Variants in MROH1 observed in about 807,000 individuals in gnomAD.
MROH1 encodes maestro heat-like repeat-containing protein family member 1.
In MROH1, 117 loss-of-function variants were observed where a neutral mutation model predicts 116.5. The ratio of observed to expected loss-of-function variants is 1.00; its 90% CI spans 0.86 to 1.17. MROH1 has a LOEUF of 1.17. Among genes scored for constraint, MROH1 ranks in the 50% most tolerant of loss-of-function variants. MROH1 has a pLI of 0.00. For missense variants in MROH1, 1,873 were observed against 1,338.5 expected (o/e 1.40, Z -6.23); for synonymous variants, 921 against 583.9 (o/e 1.58, Z -8.32).
intron 32 of MROH1, among the ~76,000 whole-genome samples, chr8:144,249,640 C>G (rs1842505149): frequency 6.6e-6 from 1 of 152,124 alleles, no homozygotes; most frequent in South Asian, 2.1e-4. Context: ...TCCTCCTGCC[C>G]ACGTTTCCCC....
rs1821418335 is a variant in MROH1, at chr8:144,168,158, A to G, written c.23-137A>G. 9 of 1,021,706 alleles carry G rather than the reference A, an allele frequency of 8.8e-6. No individual in the cohort carries two copies. The East Asian group carries it at 2.5e-4, about 28-fold the overall frequency. The allele number at this position is 1,021,706 out of a possible 1,614,324, so 63.3% of individuals were successfully genotyped here. A position where few individuals can be genotyped will look rare whatever the true frequency, so the allele number is the denominator to read the frequency against. ...GTGGAGGGAGGTTATACAAGAGAGA[A>G]AGCAGCTGTGCCCTCTCCTGCTCTG... On this transcript the variant is annotated intron_variant, in intron 3 of 43. Transcript: ENST00000326134.
At chr8:144,185,873 A>G (rs1215393065) in intron 7 of MROH1, among the ~76,000 whole-genome samples, 2 of 26,722 alleles carry the variant, frequency 7.5e-5, no homozygotes, top group East Asian at 1.5e-3. Flanking sequence ...GGGGCAGTGC[A>G]GGGACCGTGG....
intron 14 of MROH1, among the ~76,000 whole-genome samples, chr8:144,237,972 C>T (rs1411692897): frequency 1.3e-5 from 2 of 152,184 alleles, no homozygotes; most frequent in African/African-American, 2.4e-5. Context: ...ATCTCCAGGT[C>T]GATAGGTTTT....
intron 33 of MROH1, chr8:144,252,005 G>A (rs971669358): frequency 3.8e-4 from 86 of 228,392 alleles, no homozygotes; most frequent in South Asian, 3.1e-3. Flanking sequence ...GGGTGCTGCT[G>A]CCCATCCTTT....
chr8:144,230,802 CTTTTTTTT>C (rs1161687289), intron 14 of MROH1, among the ~76,000 whole-genome samples: 16 of 68,600 alleles, frequency 2.3e-4, no homozygotes, highest in East Asian at 9.2e-4. Context: ...AAAAGGTTTT[CTTTTTTTT>C]TTTTTTTTTT....
At chr8:144,259,629 C>A (rs937067043) in intron 37 of MROH1, among the ~76,000 whole-genome samples, 1 of 152,248 alleles carries the variant, frequency 6.6e-6, no homozygotes, top group Non-Finnish European at 1.5e-5. Flanking sequence ...ACAGGGCTGG[C>A]CCCTGGGACC....
In MROH1 at chr8:144,239,120, T is replaced by C; in HGVS notation, c.1532T>C (p.Leu511Pro). ...CCGCTCTGCAGGAGCCTCGTGCATC[T>C]GGCGCAGAAGAGGCAGGAGGCCGGG... Reference protein sequence around the residue: ...LTPLCRSLVHLAQKRQEAGAD... With the variant: ...LTPLCRSLVHPAQKRQEAGAD... Residue 511 changes from leucine to proline, a missense_variant, in exon 16 of 44, where the codon CTG becomes CCG. Coordinates refer to ENST00000326134, the MANE Select transcript of MROH1 (RefSeq NM_032450.3). The C allele has an allele frequency of 1.3e-6, 1 of 774,266 alleles. No homozygotes were observed. The highest frequency in any genetic ancestry group is 2.4e-6 in the Non-Finnish European group (1 of 417,660). The allele number at this position is 774,266 out of a possible 1,614,324, so 48.0% of individuals were successfully genotyped here.
chr8:144,241,593 C>T, intron 22 of MROH1, 76 bp downstream of exon 22: 1 of 772,390 alleles, frequency 1.3e-6, no homozygotes, highest in South Asian at 1.4e-5. Flanking sequence ...GCCCTGCGGG[C>T]TGGAGTGGGG....
intron 32 of MROH1, among the ~76,000 whole-genome samples, 196 bp from the exon 33 acceptor site, chr8:144,250,016 C>T (rs919582413): frequency 5.9e-5 from 9 of 152,218 alleles, no homozygotes; most frequent in Admixed American, 2.0e-4. Flanking sequence ...GAATCCAGGT[C>T]GTGGCTCCAG....
At chr8:144,168,269 A>T in intron 3 of MROH1, 26 bp from the exon 4 acceptor site, 1 of 1,568,264 alleles carries the variant, frequency 6.4e-7, no homozygotes, top group Non-Finnish European at 8.6e-7. Flanking sequence ...GGGCCTGAGC[A>T]TGCTAACCAG....
chr8:144,219,148 A>G (rs113541226), intron 12 of MROH1, among the ~76,000 whole-genome samples: 9,095 of 151,184 alleles, frequency 0.06, 942 homozygotes, highest in African/African-American at 0.21. Flanking sequence ...TCAGCCTCCC[A>G]AGTAGCTGGG....
chr8:144,242,986 G>A (rs1841282580), intron 24 of MROH1, among the ~76,000 whole-genome samples: 2 of 152,342 alleles, frequency 1.3e-5, no homozygotes, highest in Admixed American at 6.5e-5. Flanking sequence ...GCACCTAGGA[G>A]AGGGGCCAAG....
intron 12 of MROH1, among the ~76,000 whole-genome samples, chr8:144,216,411 T>C (rs533962064): frequency 3.9e-4 from 60 of 152,176 alleles, no homozygotes; most frequent in African/African-American, 1.3e-3. Flanking sequence ...GAGGCGGAGC[T>C]TGCAGTGAGC....
At chr8:144,240,510 C>G (rs1840789516) in intron 19 of MROH1, 60 bp from the exon 20 acceptor site, 2 of 710,848 alleles carry the variant, frequency 2.8e-6, no homozygotes, top group Non-Finnish European at 5.2e-6. Context: ...TGTGCCCAGG[C>G]TCCAGCCAGC....
intron 35 of MROH1, among the ~76,000 whole-genome samples, chr8:144,256,238 G>T (rs893270618): frequency 6.6e-6 from 1 of 152,144 alleles, no homozygotes; most frequent in African/African-American, 2.4e-5. Flanking sequence ...CTGGGCAGGC[G>T]TGGCTGTGTG....
In MROH1 at chr8:144,250,254, GC is replaced by G; in HGVS notation, c.3319del (p.Gln1107ArgfsTer52). On this transcript the variant is annotated frameshift_variant, in exon 33 of 44. Coordinates refer to ENST00000326134, the MANE Select transcript of MROH1 (RefSeq NM_032450.3). LOFTEE classifies it high-confidence loss of function. Reference sequence around the variant, plus strand: ...CGTCCTGCGCTCCAAGCTTCAGGAGGCCCAGGGAGAGCACGTCCTGCCGGCC... The same window carrying G: ...CGTCCTGCGCTCCAAGCTTCAGGAGGCCAGGGAGAGCACGTCCTGCCGGCC... ...VSVLRSKLQE[A>X]QGEHVLPAAQ... is the part of the protein sequence containing the mutation. The G allele has an allele frequency of 1.3e-6, 1 of 768,156 alleles. No individual in the cohort carries two copies. 47.6% of individuals were successfully genotyped at this position (768,156 alleles called of 1,614,324 possible). A position where few individuals can be genotyped will look rare whatever the true frequency, so the allele number is the denominator to read the frequency against.
chr8:144,250,504 G>A (rs1484042202), intron 33 of MROH1, 138 bp downstream of exon 33: 4 of 697,280 alleles, frequency 5.7e-6, no homozygotes, highest in Non-Finnish European at 1.0e-5. Flanking sequence ...ACGTGGGACA[G>A]AAAGTGACAT....
intron 12 of MROH1, among the ~76,000 whole-genome samples, chr8:144,220,343 G>A (rs1041209304): frequency 2.6e-5 from 4 of 152,188 alleles, no homozygotes; most frequent in South Asian, 2.1e-4. Flanking sequence ...TGGAACCTGC[G>A]TGTACCTGAC....
intron 35 of MROH1, 28 bp downstream of exon 35, chr8:144,255,733 A>G (rs1173138841): frequency 2.7e-6 from 2 of 731,656 alleles, no homozygotes; most frequent in Non-Finnish European, 5.1e-6. Flanking sequence ...TCCCACCTCC[A>G]GTACTGATTC....
Sources: gnomAD v4.1 joint callset for allele counts (sites outside exome capture counted in the v4.1 genomes callset) on GRCh38, gnomAD v4.1.1 for gene constraint, MANE v1.5 for transcripts, NCBI Gene and HGNC (gene_info 2026-07-23, HGNC 2026-07-21) for gene names.